The following ACACA variants were observed in gnomAD, a reference collection of about 807,000 sequenced individuals.
ACACA encodes the protein acetyl-CoA carboxylase alpha, also known as acetyl-CoA carboxylase 1.
In ACACA, 103 loss-of-function variants were observed where a neutral mutation model predicts 296.1. The ratio of observed to expected loss-of-function variants is 0.35; its 90% CI spans 0.30 to 0.41. The LOEUF is 0.41. Among genes scored for constraint, ACACA ranks in the 10% least tolerant of loss-of-function variants. The pLI is 1.00. For synonymous variants in ACACA, 953 were observed against 1,038.6 expected, an observed-to-expected ratio of 0.92 and a Z score of 1.58; for missense variants, 1,554 against 2,989.7, an observed-to-expected ratio of 0.52 and a Z score of 11.20.
intron 28 of ACACA, among the ~76,000 whole-genome samples, chr17:37,222,839 C>G (rs368658610): frequency 2.6e-5 from 4 of 152,176 alleles, no homozygotes; most frequent in East Asian, 3.8e-4. Flanking sequence ...CAGTGGTATT[C>G]AGGGCCTGCA....
chr17:37,245,351 A>G (rs1441507981), intron 19 of ACACA, 137 bp from the exon 20 acceptor site: 1 of 806,686 alleles, frequency 1.2e-6, no homozygotes, highest in Admixed American at 2.1e-5. Flanking sequence ...ATTTACCATC[A>G]TCTCCTAGGG....
intron 35 of ACACA, among the ~76,000 whole-genome samples, chr17:37,198,065 G>A (rs1180432527): frequency 6.6e-6 from 1 of 152,068 alleles, no homozygotes; most frequent in African/African-American, 2.4e-5. Flanking sequence ...AGAAATATCA[G>A]GACAGCAGAG....
chr17:37,229,480 T>A (rs2079736452), intron 25 of ACACA, among the ~76,000 whole-genome samples: 1 of 151,554 alleles, frequency 6.6e-6, no homozygotes, highest in South Asian at 2.1e-4. Flanking sequence ...ATTTTTTGTA[T>A]TTTTAGTAGA....
chr17:37,238,609 T>TA (rs1402035662), intron 24 of ACACA, among the ~76,000 whole-genome samples: 1 of 152,230 alleles, frequency 6.6e-6, no homozygotes, highest in African/African-American at 2.4e-5. Flanking sequence ...GCATTACAAA[T>TA]ACACTAACAG....
At position 37,192,180 on chromosome 17, in the gene ACACA, G is replaced by T; in HGVS notation, c.4326C>A (p.Leu1442=). ...TGCCCACTTCCACCTTGGCTGCCCC[G>T]AGATACAGGTGCATCTTGTGATTAG... ...PCANHKMHLY[L]GAAKVEVGTE... The change falls in exon 37 of 56, where the codon CTC becomes CTA. Residue 1442 remains leucine, a synonymous_variant. Coordinates refer to ENST00000616317, the MANE Select transcript of ACACA (RefSeq NM_198834.3). 1 of 1,614,016 alleles carries T rather than the reference G, an allele frequency of 6.2e-7. No individual in the cohort carries two copies. The highest frequency in any genetic ancestry group is 8.5e-7 in the Non-Finnish European group (1 of 1,180,002).
At chr17:37,331,650 C>G (rs1400955948) in intron 2 of ACACA, among the ~76,000 whole-genome samples, 1 of 151,916 alleles carries the variant, frequency 6.6e-6, no homozygotes, top group Non-Finnish European at 1.5e-5. Context: ...TCATGATCCA[C>G]CCACCTCAGC....
chr17:37,256,219 A>G (rs1379898513), intron 14 of ACACA, among the ~76,000 whole-genome samples: 2 of 152,246 alleles, frequency 1.3e-5, no homozygotes, highest in Non-Finnish European at 2.9e-5. Context: ...CTGTATGTTG[A>G]GACTCACCAG....
intron 1 of ACACA, chr17:37,375,928 C>G: frequency 1.8e-6 from 1 of 568,776 alleles, no homozygotes; most frequent in Non-Finnish European, 3.2e-6. Context: ...AGATCTATTC[C>G]TGGGTCTTCA....
At chr17:37,339,980 T>C in intron 1 of ACACA, 130 bp from the exon 2 acceptor site, 1 of 543,436 alleles carries the variant, frequency 1.8e-6, no homozygotes, top group Non-Finnish European at 3.3e-6. Flanking sequence ...AAATCTATTA[T>C]TTAACTTAAA....
intron 1 of ACACA, among the ~76,000 whole-genome samples, chr17:37,374,975 C>A (rs1010004354): frequency 6.6e-6 from 1 of 152,002 alleles, no homozygotes; most frequent in Non-Finnish European, 1.5e-5. Context: ...GGGGGCAGAT[C>A]ACTTGAGGTC....
intron 1 of ACACA, among the ~76,000 whole-genome samples, chr17:37,362,855 G>C (rs143011573): frequency 6.6e-6 from 1 of 151,732 alleles, no homozygotes; most frequent in African/African-American, 2.4e-5. Context: ...GGCGCCTGTA[G>C]TCCCCGCTAC....
At chr17:37,202,170 T>C (rs2078277900) in intron 33 of ACACA, among the ~76,000 whole-genome samples, 1 of 152,178 alleles carries the variant, frequency 6.6e-6, no homozygotes, top group African/African-American at 2.4e-5. Flanking sequence ...TCAACAAAGA[T>C]TCCACTACAG....
chr17:37,235,235 G>A lies in ACACA; in HGVS notation c.3122-136C>T, dbSNP rs191129907. On this transcript the variant is annotated intron_variant, in intron 24 of 55. Transcript: ENST00000616317. ...CATAAGGATTTTCTTGGATGGATTT[G>A]TACAGAAACTGGCAATGTGATTTAG... The A allele has an allele frequency of 2.3e-5, 27 of 1,150,780 alleles. No individual in the cohort carries two copies. The African/African-American group carries it at 3.8e-4, about 16-fold the overall frequency. 71.3% of individuals were successfully genotyped at this position (1,150,780 alleles called of 1,614,324 possible). A position where few individuals can be genotyped will look rare whatever the true frequency, so the allele number is the denominator to read the frequency against.
At chr17:37,244,981 G>T (rs2080620312) in intron 20 of ACACA, 99 bp downstream of exon 20, 2 of 1,566,208 alleles carry the variant, frequency 1.3e-6, no homozygotes. Context: ...CAAAGCTAAA[G>T]AAAACACTGG....
In ACACA at chr17:37,174,002, A is replaced by T. The variant is rs1424828318; in HGVS notation, c.5079+5258T>A. 4.0e-3 allele frequency among the ~76,000 whole-genome samples: 42 copies of T among 10,598 alleles called. 3 individuals carry two copies. The highest frequency in any genetic ancestry group is 0.029 in the African/African-American group (35 of 1,210). 7.0% of individuals were successfully genotyped at this position (10,598 alleles called of 152,430 possible). A position where few individuals can be genotyped will look rare whatever the true frequency, so the allele number is the denominator to read the frequency against. On this transcript the variant is annotated intron_variant, in intron 41 of 55. Coordinates refer to ENST00000616317, the MANE Select transcript of ACACA (RefSeq NM_198834.3). Reference sequence around the variant, plus strand: ...CTAATTTATATATATATATATATATATATATATATATATATATATTTTTTT... The same window carrying T: ...CTAATTTATATATATATATATATATTTATATATATATATATATATTTTTTT...
chr17:37,382,539 G>A (rs2050342443), intron 1 of ACACA, among the ~76,000 whole-genome samples: 1 of 151,970 alleles, frequency 6.6e-6, no homozygotes, highest in Admixed American at 6.6e-5. Flanking sequence ...AAGTGGATAG[G>A]CTCTCAGGAT....
intron 3 of ACACA, among the ~76,000 whole-genome samples, chr17:37,314,294 TTTCACCGTG>T (rs1354639060): frequency 6.6e-6 from 1 of 151,774 alleles, no homozygotes; most frequent in Non-Finnish European, 1.5e-5. Context: ...AGAGATGAGG[TTTCACCGTG>T]TTAGCCAGGA....
intron 55 of ACACA, 132 bp downstream of exon 55, chr17:37,088,806 C>T: frequency 8.8e-6 from 11 of 1,245,150 alleles, no homozygotes; most frequent in Non-Finnish European, 1.2e-5. Context: ...GGGTCAACTA[C>T]AGCTGTCTCA....
chr17:37,406,550 G>C lies in ACACA; in HGVS notation c.-251C>G, dbSNP rs1296656538. On this transcript the variant is annotated 5_prime_UTR_variant, in exon 1 of 56. Coordinates refer to ENST00000616317, the MANE Select transcript of ACACA (RefSeq NM_198834.3). ...CTGCAACAGGGGTGGAGATGGGAAC[G>C]TTATCCCCAAACCCAGGCAGTCCCG... 1 of 603,016 alleles carries C rather than the reference G, an allele frequency of 1.7e-6. No homozygotes were observed. The highest frequency in any genetic ancestry group is 2.9e-6 in the Non-Finnish European group (1 of 339,256). 37.4% of individuals were successfully genotyped at this position (603,016 alleles called of 1,614,324 possible).
Sources: allele counts gnomAD v4.1 joint callset (sites outside exome capture counted in the v4.1 genomes callset), GRCh38; gene constraint gnomAD v4.1.1; transcripts MANE v1.5; gene names NCBI Gene and HGNC (gene_info 2026-07-23, HGNC 2026-07-21).